AK9: variants seen among roughly 807,000 people sequenced by gnomAD.
The protein encoded by AK9 is adenylate kinase domain containing 1.
Under a neutral mutation model 239.6 loss-of-function variants are expected in AK9, and 191 were observed. That is an observed-to-expected ratio of 0.80 (90% CI 0.71 to 0.90). AK9 has a LOEUF of 0.90. AK9 is among the 40% of genes least tolerant of loss of function. The pLI is 0.00. For synonymous variants in AK9, 689 were observed against 721.0 expected (o/e 0.96, Z 0.71); for missense variants, 1,995 against 2,214.7 (o/e 0.90, Z 1.99).
intron 27 of AK9, among the ~76,000 whole-genome samples, chr6:109,537,466 T>C (rs971075903): frequency 2.1e-5 from 3 of 142,636 alleles, no homozygotes; most frequent in African/African-American, 7.4e-5. Context: ...TTTATCATTT[T>C]TTATTGCATC....
chr6:109,583,444 T>C (rs1789106028), intron 19 of AK9, among the ~76,000 whole-genome samples: 1 of 152,212 alleles, frequency 6.6e-6, no homozygotes, highest in South Asian at 2.1e-4. Flanking sequence ...CTTAATCCTG[T>C]TAAGTTTCTC....
chr6:109,614,403 A>G lies in AK9; in HGVS notation c.1477T>C (p.Ser493Pro), dbSNP rs75733561. 29,479 of 1,551,150 alleles carry G rather than the reference A, an allele frequency of 0.019. 789 individuals are homozygous for G. Among genetic ancestry groups the G allele is most frequent in the East Asian group, 0.11 (4,667 of 40,882 alleles). ...TCTTTACCTTCTTCATCAATTGATGAGTGTGTTGCCTCCATTGGGAATACT... is the reference window on the plus strand; with the variant it reads ...TCTTTACCTTCTTCATCAATTGATGGGTGTGTTGCCTCCATTGGGAATACT... ...FGVFPMEATH[S>P]SIDEEGYIQG... The change falls in exon 14 of 41, where the codon TCA becomes CCA. Residue 493 changes from serine to proline, a missense_variant. Coordinates refer to ENST00000424296, the MANE Select transcript of AK9 (RefSeq NM_001145128.3).
At position 109,684,552 on chromosome 6, in the gene AK9, G is replaced by GA. The variant is rs962406075; in HGVS notation, c.-12+6594dup. On this transcript the variant is annotated intron_variant, in intron 1 of 40. Transcript: ENST00000424296. ...ACAAAGAACTTAAACAAACTTACAAGAAAAAAAAACAAACAACCCCATCAA... is the reference window on the plus strand; with the variant it reads ...ACAAAGAACTTAAACAAACTTACAAGAAAAAAAAAACAAACAACCCCATCAA... 1.9e-4 allele frequency among the ~76,000 whole-genome samples: 28 copies of GA among 150,470 alleles called. 1 individual carries two copies. The highest frequency in any genetic ancestry group is 1.1e-3 in the South Asian group (5 of 4,736).
At chr6:109,525,343 C>T (rs1336001934) in intron 29 of AK9, among the ~76,000 whole-genome samples, 3 of 151,966 alleles carry the variant, frequency 2.0e-5, no homozygotes, top group South Asian at 2.1e-4. Flanking sequence ...AGCTTTTTCA[C>T]GCAAAAGAAA....
intron 27 of AK9, among the ~76,000 whole-genome samples, chr6:109,535,304 G>A (rs960878981): frequency 2.6e-5 from 4 of 152,172 alleles, no homozygotes; most frequent in Non-Finnish European, 4.4e-5. Context: ...CATTCTAACT[G>A]GTGTGAGATG....
chr6:109,562,369 T>C (rs1310398949), intron 24 of AK9, among the ~76,000 whole-genome samples: 2 of 152,250 alleles, frequency 1.3e-5, no homozygotes, highest in Non-Finnish European at 2.9e-5. Context: ...TATTATATCT[T>C]CTATATCTCT....
chr6:109,633,579 A>C (rs1305561619), intron 10 of AK9, among the ~76,000 whole-genome samples: 1 of 152,210 alleles, frequency 6.6e-6, no homozygotes, highest in Non-Finnish European at 1.5e-5. Context: ...TATGTTAAAA[A>C]ATCTTTAAAT....
At chr6:109,641,349 CTTTTTTTTT>C (rs913203723) in intron 10 of AK9, among the ~76,000 whole-genome samples, 160 bp downstream of exon 10, 1 of 124,390 alleles carries the variant, frequency 8.0e-6, no homozygotes, top group African/African-American at 3.1e-5. Flanking sequence ...TTCTTTCTTT[CTTTTTTTTT>C]TTTTTTTTTT....
intron 1 of AK9, among the ~76,000 whole-genome samples, chr6:109,686,996 G>T (rs967537318): frequency 6.6e-6 from 1 of 152,186 alleles, no homozygotes; most frequent in Non-Finnish European, 1.5e-5. Context: ...GTCTCTTTCA[G>T]CTCACACCTC....
chr6:109,548,621 C>A (rs1355835398), intron 25 of AK9, among the ~76,000 whole-genome samples: 1 of 152,136 alleles, frequency 6.6e-6, no homozygotes, highest in African/African-American at 2.4e-5. Context: ...TGATTAACAG[C>A]AGAAACAATA....
intron 24 of AK9, among the ~76,000 whole-genome samples, chr6:109,553,687 C>T (rs938775143): frequency 2.0e-5 from 3 of 152,144 alleles, no homozygotes; most frequent in African/African-American, 7.2e-5. Context: ...TTTGAATACC[C>T]TTTATTTCTT....
chr6:109,681,039 C>T (rs1182983033), intron 1 of AK9, among the ~76,000 whole-genome samples: 4 of 152,194 alleles, frequency 2.6e-5, no homozygotes, highest in African/African-American at 9.7e-5. Context: ...ACTGCATCAA[C>T]TAATGGGCAA....
At chr6:109,524,051 C>A (rs1434248837) in intron 29 of AK9, among the ~76,000 whole-genome samples, 1 of 151,900 alleles carries the variant, frequency 6.6e-6, no homozygotes, top group Admixed American at 6.6e-5. Context: ...AATACCCAGC[C>A]CAGGTGTTAG....
intron 10 of AK9, among the ~76,000 whole-genome samples, chr6:109,640,261 G>C (rs1037048919): frequency 2.4e-4 from 36 of 152,290 alleles, no homozygotes; most frequent in African/African-American, 8.2e-4. Context: ...GTAACTCCTG[G>C]TCTGCTGTTT....
chr6:109,554,525 CTTTTTTTTTTTTT>C (rs3060760), intron 24 of AK9, among the ~76,000 whole-genome samples: 4 of 77,464 alleles, frequency 5.2e-5, no homozygotes, highest in Non-Finnish European at 1.0e-4. Flanking sequence ...TATTTCTTTT[CTTTTTTTTTTTTT>C]TTTTTTTTTT....
chr6:109,528,987 G>GA (rs552385212), intron 29 of AK9, 24 bp downstream of exon 29: 3,426 of 1,441,906 alleles, frequency 2.4e-3, no homozygotes, highest in African/African-American at 4.0e-3. Flanking sequence ...ACCCTGTTTT[G>GA]AAAAAAAAAA....
At chr6:109,535,360 T>G (rs1781842460) in intron 27 of AK9, among the ~76,000 whole-genome samples, 2 of 152,366 alleles carry the variant, frequency 1.3e-5, no homozygotes, top group Non-Finnish European at 1.5e-5. Flanking sequence ...CGGTCAGTGA[T>G]GATGAGCATT....
chr6:109,499,266 C>A, intron 35 of AK9, 26 bp from the exon 36 acceptor site: 1 of 1,406,570 alleles, frequency 7.1e-7, no homozygotes, highest in Non-Finnish European at 9.4e-7. Context: ...TAACTATTAT[C>A]ATGTATATAT....
At chr6:109,674,297 A>G in intron 2 of AK9, 36 bp from the exon 3 acceptor site, 1 of 1,432,426 alleles carries the variant, frequency 7.0e-7, no homozygotes, top group Non-Finnish European at 9.4e-7. Context: ...GCCCAATAGA[A>G]CAGTTACTTG....
Sources: allele counts gnomAD v4.1 joint callset (sites outside exome capture counted in the v4.1 genomes callset), GRCh38; gene constraint gnomAD v4.1.1; transcripts MANE v1.5; gene names NCBI Gene and HGNC (gene_info 2026-07-23, HGNC 2026-07-21).